ELOVL6: variants seen among roughly 807,000 people sequenced by gnomAD.
The protein encoded by ELOVL6 is very long chain fatty acid elongase 6.
In ELOVL6, 8 loss-of-function variants were observed where a neutral mutation model predicts 31.7. The ratio of observed to expected loss-of-function variants is 0.25; its 90% confidence interval spans 0.15 to 0.45. The LOEUF (loss-of-function observed/expected upper bound fraction) is 0.45, where lower values mean the gene tolerates loss of function less well. ELOVL6 is among the 20% of genes least tolerant of loss of function. The probability of loss-of-function intolerance (pLI) is 1.00; values close to 1 mark genes in which losing one functional copy is unlikely to be tolerated. For synonymous variants in ELOVL6, 101 were observed against 117.7 expected (o/e 0.86, Z 0.92); for missense variants, 126 against 326.4 (o/e 0.39, Z 4.73).
chr4:110,190,966 G>A (rs989046142), intron 1 of ELOVL6, among the ~76,000 whole-genome samples: 16 of 151,552 alleles, frequency 1.1e-4, no homozygotes, highest in South Asian at 1.0e-3. Context: ...CTACAGGTGC[G>A]TACCACCATG....
At chr4:110,146,221 C>T (rs1396906334) in intron 1 of ELOVL6, among the ~76,000 whole-genome samples, 1 of 152,100 alleles carries the variant, frequency 6.6e-6, no homozygotes, top group African/African-American at 2.4e-5. Flanking sequence ...GCAAAGTCAA[C>T]AAGAACATAC....
intron 1 of ELOVL6, among the ~76,000 whole-genome samples, chr4:110,136,851 G>A (rs1757827326): frequency 6.6e-6 from 1 of 152,072 alleles, no homozygotes; most frequent in Non-Finnish European, 1.5e-5. Flanking sequence ...GAGTGAGAAA[G>A]GTGGAAGTGG....
At chr4:110,181,147 AAAATT>A (rs754648910) in intron 1 of ELOVL6, among the ~76,000 whole-genome samples, 1 of 152,052 alleles carries the variant, frequency 6.6e-6, no homozygotes, top group Admixed American at 6.6e-5. Flanking sequence ...CAAAAAAAAA[AAAATT>A]AAATTAAATT....
At chr4:110,171,474 A>C (rs1258077959) in intron 1 of ELOVL6, among the ~76,000 whole-genome samples, 1 of 151,718 alleles carries the variant, frequency 6.6e-6, no homozygotes, top group Admixed American at 6.6e-5. Context: ...TTTTTTGTCC[A>C]ATCACATTTC....
intron 1 of ELOVL6, among the ~76,000 whole-genome samples, chr4:110,164,415 T>C (rs532046689): frequency 7.2e-5 from 11 of 152,254 alleles, no homozygotes; most frequent in Admixed American, 7.2e-4. Context: ...AGGAAACACT[T>C]TGACCTAACT....
At chr4:110,084,181 TATA>T (rs1756064813) in intron 2 of ELOVL6, among the ~76,000 whole-genome samples, 1 of 108,022 alleles carries the variant, frequency 9.3e-6, no homozygotes, top group African/African-American at 3.6e-5. Context: ...ATATGATATA[TATA>T]ACATATAACT....
chr4:110,161,769 T>C (rs964098979), intron 1 of ELOVL6, among the ~76,000 whole-genome samples: 3 of 152,182 alleles, frequency 2.0e-5, no homozygotes, highest in Non-Finnish European at 4.4e-5. Flanking sequence ...ATCAACAATA[T>C]ATGTTAAATA....
chr4:110,199,112 GACGGCAGAGCTCCTTAATCTCGTA>G (rs1759915552), upstream of ELOVL6: 1 of 150,700 alleles, frequency 6.6e-6, no homozygotes, highest in African/African-American at 2.4e-5. Flanking sequence ...AGGCCCTGCG[GACGGCAGAGCTCCTTAATCTCGTA>G]CAGACAGGGG....
intron 3 of ELOVL6, among the ~76,000 whole-genome samples, 175 bp downstream of exon 3, chr4:110,059,428 G>A (rs1755079595): frequency 6.6e-6 from 1 of 152,130 alleles, no homozygotes; most frequent in African/African-American, 2.4e-5. Flanking sequence ...TTATTTAAAA[G>A]GAAAGAGGGA....
At chr4:110,177,200 G>A (rs1325291061) in intron 1 of ELOVL6, among the ~76,000 whole-genome samples, 2 of 152,142 alleles carry the variant, frequency 1.3e-5, no homozygotes, top group African/African-American at 4.8e-5. Flanking sequence ...GTGATTGAGA[G>A]GCTAAGGCTG....
At chr4:110,112,904 A>G (rs1329849682) in intron 1 of ELOVL6, among the ~76,000 whole-genome samples, 3 of 150,670 alleles carry the variant, frequency 2.0e-5, no homozygotes, top group East Asian at 2.0e-4. Context: ...AAGAATTAAA[A>G]TCCATTCAAT....
chr4:110,092,889 C>T (rs1314146126), intron 2 of ELOVL6, among the ~76,000 whole-genome samples: 1 of 152,134 alleles, frequency 6.6e-6, no homozygotes, highest in Non-Finnish European at 1.5e-5. Flanking sequence ...GAAGTTTATA[C>T]AAACTGTAAT....
intron 2 of ELOVL6, among the ~76,000 whole-genome samples, chr4:110,066,090 G>A (rs1755290958): frequency 6.6e-6 from 1 of 152,112 alleles, no homozygotes; most frequent in Non-Finnish European, 1.5e-5. Context: ...AGGGGGGTGG[G>A]AGTGGGAAAG....
intron 1 of ELOVL6, among the ~76,000 whole-genome samples, chr4:110,139,988 T>C (rs2126260741): frequency 6.6e-6 from 1 of 152,338 alleles, no homozygotes; most frequent in Middle Eastern, 3.4e-3. Context: ...CTGTTTGGTA[T>C]TCCCTACTGA....
intron 1 of ELOVL6, among the ~76,000 whole-genome samples, chr4:110,131,824 G>C (rs1757677670): frequency 6.6e-6 from 1 of 152,098 alleles, no homozygotes; most frequent in Admixed American, 6.5e-5. Context: ...CATCTAGTGA[G>C]ATAGACAAGT....
At chr4:110,190,724 C>T (rs1226108600) in intron 1 of ELOVL6, among the ~76,000 whole-genome samples, 34 of 152,034 alleles carry the variant, frequency 2.2e-4, no homozygotes, top group Non-Finnish European at 1.2e-4. Context: ...AGGCTGGTCT[C>T]GAACTCCTGA....
chr4:110,122,155 T>C (rs1173814743), intron 1 of ELOVL6, among the ~76,000 whole-genome samples: 2 of 152,104 alleles, frequency 1.3e-5, no homozygotes, highest in Non-Finnish European at 1.5e-5. Context: ...TTAAATCTGA[T>C]ATAGAAAAAC....
chr4:110,136,840 A>T lies in ELOVL6; in HGVS notation c.90-31212T>A, dbSNP rs79880343. On this transcript the variant is annotated intron_variant, in intron 1 of 3. Transcript: ENST00000302274. Reference sequence around the variant, plus strand: ...TATCCTATAACACAGAAGTAGGGGAAGAGTGAGAAAGGTGGAAGTGGAGAA... The same window carrying T: ...TATCCTATAACACAGAAGTAGGGGATGAGTGAGAAAGGTGGAAGTGGAGAA... 8.9e-3 allele frequency among the ~76,000 whole-genome samples: 1,353 copies of T among 152,344 alleles called. 20 individuals carry two copies. Among genetic ancestry groups the T allele is most frequent in the African/African-American group, 0.031 (1,281 of 41,584 alleles).
chr4:110,130,188 G>C (rs1051067280), intron 1 of ELOVL6, among the ~76,000 whole-genome samples: 2 of 151,902 alleles, frequency 1.3e-5, no homozygotes, highest in Non-Finnish European at 2.9e-5. Context: ...GAGCCACCGC[G>C]CCTGGCCACC....
Sources: gnomAD v4.1 joint callset for allele counts (sites outside exome capture counted in the v4.1 genomes callset) on GRCh38, gnomAD v4.1.1 for gene constraint, MANE v1.5 for transcripts, NCBI Gene and HGNC (gene_info 2026-07-23, HGNC 2026-07-21) for gene names.